The following MACF1 variants were observed in gnomAD, a reference collection of about 807,000 sequenced individuals.
The protein encoded by MACF1 is microtubule actin crosslinking factor 1.
MACF1 carries 193 observed loss-of-function variants against 854.8 expected under a neutral mutation model. That is an observed-to-expected ratio of 0.23 (90% confidence interval 0.20 to 0.25). MACF1 has a LOEUF of 0.25. MACF1 is among the 10% of genes least tolerant of loss of function. The pLI is 1.00. For synonymous variants in MACF1, 3,185 were observed against 3,226.7 expected (o/e 0.99, Z 0.44); for missense variants, 7,722 against 8,929.1 (o/e 0.86, Z 5.45).
chr1:39,237,999 G>A (rs1161451187), intron 2 of MACF1, among the ~76,000 whole-genome samples: 1 of 152,146 alleles, frequency 6.6e-6, no homozygotes, highest in Non-Finnish European at 1.5e-5. Flanking sequence ...AGTAAAAGGT[G>A]TTAAAAACCA....
At chr1:39,351,360 C>T (rs1360805091) in intron 43 of MACF1, among the ~76,000 whole-genome samples, 1 of 151,948 alleles carries the variant, frequency 6.6e-6, no homozygotes, top group Non-Finnish European at 1.5e-5. Flanking sequence ...ACCAGGTTGG[C>T]CAGGCTGGCT....
At chr1:39,288,829 T>G (rs1315502861) in intron 15 of MACF1, among the ~76,000 whole-genome samples, 6 of 152,132 alleles carry the variant, frequency 3.9e-5, no homozygotes, top group African/African-American at 1.4e-4. Flanking sequence ...TACAACTAAA[T>G]TATTTTGACT....
chr1:39,380,520 A>G lies in MACF1; in HGVS notation c.13648+147A>G, dbSNP rs916017185. ...AGGATCCAGATAGGGCCAGAGCATGAGCCTGAATTGGGAAGAAAATTAGAA... is the reference window on the plus strand; with the variant it reads ...AGGATCCAGATAGGGCCAGAGCATGGGCCTGAATTGGGAAGAAAATTAGAA... On this transcript the variant is annotated intron_variant, in intron 55 of 100. Coordinates refer to ENST00000564288, the MANE Select transcript of MACF1 (RefSeq NM_001394062.1). 8 of 816,172 alleles carry G rather than the reference A, an allele frequency of 9.8e-6. No individual in the cohort carries two copies. The African/African-American group carries it at 1.2e-4, about 13-fold the overall frequency. The allele number at this position is 816,172 out of a possible 1,614,324, so 50.6% of individuals were successfully genotyped here.
chr1:39,198,319 G>T (rs935644988), intron 2 of MACF1, among the ~76,000 whole-genome samples: 1 of 151,728 alleles, frequency 6.6e-6, no homozygotes, highest in South Asian at 2.1e-4. Context: ...GACCAGCCTG[G>T]CCAACATGGT....
intron 85 of MACF1, among the ~76,000 whole-genome samples, chr1:39,451,817 C>T (rs188596735): frequency 1.3e-5 from 2 of 152,246 alleles, no homozygotes; most frequent in East Asian, 3.9e-4. Context: ...TTATGTATCT[C>T]CTAAATGCCT....
intron 29 of MACF1, among the ~76,000 whole-genome samples, chr1:39,317,880 C>A (rs1557584502): frequency 6.6e-6 from 1 of 152,136 alleles, no homozygotes; most frequent in Non-Finnish European, 1.5e-5. Flanking sequence ...AGAAACTGCA[C>A]CTTTTGGAGG....
intron 58 of MACF1, 64 bp from the exon 59 acceptor site, chr1:39,422,310 T>A: frequency 1.5e-6 from 2 of 1,304,780 alleles, no homozygotes; most frequent in South Asian, 1.5e-5. Flanking sequence ...ATAACCAGTC[T>A]CTGCGTGGTA....
intron 1 of MACF1, among the ~76,000 whole-genome samples, chr1:39,222,827 G>A (rs1557526777): frequency 1.3e-5 from 2 of 152,106 alleles, no homozygotes; most frequent in Non-Finnish European, 2.9e-5. Context: ...TGAAGCACTT[G>A]TCATTTTTCT....
At chr1:39,447,125 C>T (rs1644246863) in intron 80 of MACF1, among the ~76,000 whole-genome samples, 2 of 152,200 alleles carry the variant, frequency 1.3e-5, no homozygotes, top group Non-Finnish European at 2.9e-5. Context: ...AGGGTCTGTT[C>T]ACTTACAGTT....
intron 15 of MACF1, among the ~76,000 whole-genome samples, chr1:39,287,999 T>A (rs958907213): frequency 4.6e-5 from 7 of 152,172 alleles, no homozygotes; most frequent in African/African-American, 1.7e-4. Context: ...TGCAATGTCT[T>A]TACATCTGTT....
Position 39,425,655 on chromosome 1 carries a change from C to G in MACF1, c.16316+1461C>G, listed in dbSNP as rs187321954. 2.6e-5 allele frequency among the ~76,000 whole-genome samples: 4 copies of G among 152,276 alleles called. No homozygotes were observed. The East Asian group carries it at 5.8e-4, about 22-fold the overall frequency. On this transcript the variant is annotated intron_variant, in intron 61 of 100. Transcript: ENST00000564288. Reference sequence around the variant, plus strand: ...AATATCTTCTGACAATGTCCTAACCCTGTGTCTTATTTTATGGGTTATAAT... The same window carrying G: ...AATATCTTCTGACAATGTCCTAACCGTGTGTCTTATTTTATGGGTTATAAT...
At chr1:39,412,869 A>G in intron 58 of MACF1, 4 of 1,608,752 alleles carry the variant, frequency 2.5e-6, no homozygotes, top group Non-Finnish European at 3.4e-6. Flanking sequence ...CCCCAGAGGG[A>G]ACTGCTGTAG....
chr1:39,284,068 A>G lies in MACF1; in HGVS notation c.918A>G (p.Glu306=), dbSNP rs1374039339. 2.5e-6 allele frequency: 4 copies of G among 1,613,880 alleles called. No homozygotes were observed. Among genetic ancestry groups the G allele is most frequent in the Non-Finnish European group, 3.4e-6 (4 of 1,179,894 alleles). ...TGATGTTTACCTTCTGGCAATAGGA[A>G]GTGGACTCCAGGTGGCAAGAATACC... is the stretch of plus-strand genomic sequence containing the variant. ...PEGGEGISAT[E]VDSRWQEYQS... Residue 306 remains glutamate (E), a splice_region_variant and synonymous_variant, in exon 10 of 101, where the codon GAA becomes GAG. Coordinates refer to ENST00000564288, the MANE Select transcript of MACF1 (RefSeq NM_001394062.1).
intron 2 of MACF1, among the ~76,000 whole-genome samples, chr1:39,159,378 T>C (rs1643752992): frequency 6.6e-6 from 1 of 152,106 alleles, no homozygotes; most frequent in Non-Finnish European, 1.5e-5. Flanking sequence ...CACCTAGGTG[T>C]AGTTATGTTT....
chr1:39,273,250 C>T (rs1235859677), intron 6 of MACF1, among the ~76,000 whole-genome samples: 1 of 151,394 alleles, frequency 6.6e-6, no homozygotes, highest in Non-Finnish European at 1.5e-5. Context: ...TATTCGCCTG[C>T]CTCAGCCTCC....
intron 68 of MACF1, 26 bp from the exon 69 acceptor site, chr1:39,434,386 CTT>C (rs71798934): frequency 0.068 from 63,262 of 929,814 alleles, no homozygotes; most frequent in Non-Finnish European, 0.074. Context: ...AATACTTATC[CTT>C]TTTTTTTTTT....
At chr1:39,168,888 A>G (rs1348096820) in intron 2 of MACF1, among the ~76,000 whole-genome samples, 3 of 151,968 alleles carry the variant, frequency 2.0e-5, no homozygotes, top group Non-Finnish European at 2.9e-5. Flanking sequence ...TTGGCCTCCT[A>G]AAGTGCTGGG....
chr1:39,251,005 A>G (rs1157456983), intron 3 of MACF1, among the ~76,000 whole-genome samples: 1 of 152,230 alleles, frequency 6.6e-6, no homozygotes, highest in Non-Finnish European at 1.5e-5. Flanking sequence ...AGAGATGTAT[A>G]GCTCAAGTAG....
intron 2 of MACF1, among the ~76,000 whole-genome samples, chr1:39,183,567 A>G (rs1312316052): frequency 1.3e-5 from 2 of 152,152 alleles, no homozygotes; most frequent in Non-Finnish European, 2.9e-5. Context: ...ATTTTTTTGC[A>G]GGAGAATACA....
Sources: allele counts gnomAD v4.1 joint callset (sites outside exome capture counted in the v4.1 genomes callset), GRCh38; gene constraint gnomAD v4.1.1; transcripts MANE v1.5; gene names NCBI Gene and HGNC (gene_info 2026-07-23, HGNC 2026-07-21).